The following SYNE2 variants were observed in gnomAD, a reference collection of about 807,000 sequenced individuals.
SYNE2 encodes spectrin repeat containing nuclear envelope protein 2.
In SYNE2, 431 loss-of-function variants were observed where a neutral mutation model predicts 856.3. The ratio of observed to expected loss-of-function variants is 0.50; its 90% CI spans 0.47 to 0.55. SYNE2 has a LOEUF of 0.55. Ranked by LOEUF, SYNE2 falls within the 20% of genes least tolerant of loss-of-function variation. The probability of loss-of-function intolerance (pLI) is 0.00; values close to 1 mark genes in which losing one functional copy is unlikely to be tolerated. For missense variants in SYNE2, 8,129 were observed against 8,023.2 expected, an observed-to-expected ratio of 1.01 and a Z score of -0.50; for synonymous variants, 2,923 against 2,872.3, an observed-to-expected ratio of 1.02 and a Z score of -0.56.
intron 70 of SYNE2, among the ~76,000 whole-genome samples, chr14:64,123,575 A>T (rs2153668851): frequency 6.6e-6 from 1 of 152,274 alleles, no homozygotes; most frequent in South Asian, 2.1e-4. Context: ...AACTCCACTC[A>T]TTATTAGTTC....
chr14:64,113,677 A>T, intron 66 of SYNE2, 106 bp downstream of exon 66: 2 of 1,215,722 alleles, frequency 1.6e-6, no homozygotes, highest in East Asian at 2.5e-5. Context: ...TGTTACTCTG[A>T]CCCTTACATT....
chr14:64,126,521 A>T (rs1249173111), intron 72 of SYNE2, 42 bp downstream of exon 72: 1 of 1,614,132 alleles, frequency 6.2e-7, no homozygotes, highest in African/African-American at 1.3e-5. Context: ...CCATTACAGC[A>T]GCCCCGTGAG....
At chr14:63,839,840 A>G (rs923452395) in intron 1 of SYNE2, among the ~76,000 whole-genome samples, 2 of 152,238 alleles carry the variant, frequency 1.3e-5, no homozygotes, top group Non-Finnish European at 2.9e-5. Context: ...CCCTGAAGCT[A>G]AAAAGATAAT....
intron 1 of SYNE2, among the ~76,000 whole-genome samples, chr14:63,797,786 A>G (rs4027515): frequency 0.053 from 8,117 of 152,366 alleles, 294 homozygotes; most frequent in Admixed American, 0.098. Flanking sequence ...TGTGAAACAC[A>G]GTATGAATTA....
chr14:63,902,336 G>A (rs571349648), intron 1 of SYNE2, among the ~76,000 whole-genome samples: 30 of 147,058 alleles, frequency 2.0e-4, no homozygotes, highest in African/African-American at 3.0e-4. Context: ...ACTGGAACCC[G>A]GGAAGCAGAG....
chr14:63,840,713 TTAAC>T (rs1161031472), intron 1 of SYNE2, among the ~76,000 whole-genome samples: 1 of 152,012 alleles, frequency 6.6e-6, no homozygotes, highest in Non-Finnish European at 1.5e-5. Context: ...TAGGTCTCCT[TTAAC>T]TAATAACTGT....
At chr14:64,089,522 G>T in intron 58 of SYNE2, 52 bp from the exon 59 acceptor site, 1 of 1,540,538 alleles carries the variant, frequency 6.5e-7, no homozygotes, top group Non-Finnish European at 8.9e-7. Flanking sequence ...CTGTTTTATA[G>T]ATGATTAATA....
intron 7 of SYNE2, 80 bp downstream of exon 7, chr14:63,950,086 C>T (rs2096126359): frequency 2.1e-6 from 3 of 1,441,688 alleles, no homozygotes; most frequent in East Asian, 2.3e-5. Context: ...AAACACCTCC[C>T]TCACTTAACA....
rs747033859 is a variant in SYNE2, at chr14:64,220,406, C to T, written c.19861-31C>T. 13 of 1,612,492 alleles carry T rather than the reference C, an allele frequency of 8.1e-6. No individual in the cohort carries two copies. In the African/African-American group the frequency reaches 1.6e-4, roughly 20 times the overall value. ...GAGCCCCTCCTCCCTACTTTCAGAG[C>T]TCCTAACCTCATCTTTTCTCTCTCT... On this transcript the variant is annotated intron_variant, in intron 110 of 115. Transcript: ENST00000555002.
chr14:63,771,896 C>CAAAAAAAAAAAAAAAAAAAAA (rs59481661), intron 1 of SYNE2, among the ~76,000 whole-genome samples: 4 of 148,026 alleles, frequency 2.7e-5, no homozygotes, highest in African/African-American at 1.1e-4. Flanking sequence ...GACTCTGTCT[C>CAAAAAAAAAAAAAAAAAAAAA]AAAAAGCAAA....
intron 99 of SYNE2, chr14:64,202,215 G>A (rs1373834581): frequency 2.1e-5 from 15 of 702,152 alleles, no homozygotes; most frequent in Middle Eastern, 2.3e-4. Flanking sequence ...TAATCTACCC[G>A]CATGGGCTGG....
At chr14:64,079,108 C>T (rs1307788476) in intron 55 of SYNE2, among the ~76,000 whole-genome samples, 3 of 152,084 alleles carry the variant, frequency 2.0e-5, no homozygotes, top group South Asian at 4.1e-4. Context: ...TGGGCATATA[C>T]CCAAACTTCT....
Position 64,225,410 on chromosome 14 carries a change from C to G in SYNE2, c.20608C>G (p.Leu6870Val). ...GCAGCTGCTCCTCCTGCTGCTGCTGCTCCTGGCCTGCCTGCTGCCCTCCTC... is the reference window on the plus strand; with the variant it reads ...GCAGCTGCTCCTCCTGCTGCTGCTGGTCCTGGCCTGCCTGCTGCCCTCCTC... The part of the protein sequence containing the change: ...PLQLLLLLLL[L>V]LACLLPSSEE... Residue 6870 changes from leucine (L) to valine (V), a missense_variant, in exon 116 of 116, where the codon CTC (leucine) becomes GTC (valine). Coordinates refer to ENST00000555002, the MANE Select transcript of SYNE2 (RefSeq NM_182914.3). The G allele has an allele frequency of 2.5e-6, 4 of 1,614,142 alleles. No individual in the cohort carries two copies. The highest frequency in any genetic ancestry group is 3.4e-6 in the Non-Finnish European group (4 of 1,179,998).
chr14:64,203,178 A>G (rs928313519), intron 100 of SYNE2, among the ~76,000 whole-genome samples: 1 of 151,996 alleles, frequency 6.6e-6, no homozygotes, highest in Non-Finnish European at 1.5e-5. Context: ...AACTGTGTGA[A>G]TACTGTTTAA....
intron 85 of SYNE2, among the ~76,000 whole-genome samples, chr14:64,153,069 C>T (rs1452801477): frequency 6.6e-6 from 1 of 152,184 alleles, no homozygotes; most frequent in Non-Finnish European, 1.5e-5. Flanking sequence ...AGCAGTGTCT[C>T]CATGTACAGG....
intron 2 of SYNE2, among the ~76,000 whole-genome samples, chr14:63,932,158 C>T (rs189916800): frequency 2.0e-4 from 30 of 152,174 alleles, no homozygotes; most frequent in Non-Finnish European, 1.5e-5. Context: ...GGTGGAGCAC[C>T]TCACCTGAGG....
At chr14:63,860,417 G>C (rs1449802657) in intron 1 of SYNE2, among the ~76,000 whole-genome samples, 1 of 152,224 alleles carries the variant, frequency 6.6e-6, no homozygotes, top group Admixed American at 6.5e-5. Flanking sequence ...GAAACGTTGA[G>C]TTGAAAGATA....
At chr14:63,909,926 T>A (rs1040817482) in intron 2 of SYNE2, among the ~76,000 whole-genome samples, 7 of 152,242 alleles carry the variant, frequency 4.6e-5, no homozygotes, top group African/African-American at 1.4e-4. Context: ...CTTTCAGTCA[T>A]GTGAATCATG....
chr14:63,802,808 A>T (rs1162933969), intron 1 of SYNE2, among the ~76,000 whole-genome samples: 23 of 151,150 alleles, frequency 1.5e-4, no homozygotes, highest in Admixed American at 1.5e-3. Context: ...CTTCGCGGTG[A>T]GTGTTACAGC....
Sources: allele counts gnomAD v4.1 joint callset (sites outside exome capture counted in the v4.1 genomes callset), GRCh38; gene constraint gnomAD v4.1.1; transcripts MANE v1.5; gene names NCBI Gene and HGNC (gene_info 2026-07-23, HGNC 2026-07-21).